DOCK3: variants seen among roughly 807,000 people sequenced by gnomAD.
The protein encoded by DOCK3 is dedicator of cytokinesis protein 3.
DOCK3 carries 60 observed loss-of-function variants against 265.6 expected under a neutral mutation model. The observed-to-expected ratio is 0.23, with a 90% CI of 0.18 to 0.28. DOCK3 has a LOEUF of 0.28. DOCK3 is among the 10% of genes least tolerant of loss of function. The pLI, the probability that DOCK3 is intolerant of heterozygous loss-of-function variation, is 1.00. For missense variants in DOCK3, 1,981 were observed against 2,594.3 expected, an observed-to-expected ratio of 0.76 and a Z score of 5.14; for synonymous variants, 881 against 938.0, an observed-to-expected ratio of 0.94 and a Z score of 1.11.
intron 6 of DOCK3, among the ~76,000 whole-genome samples, chr3:51,066,464 A>C (rs575776670): frequency 6.6e-6 from 1 of 152,202 alleles, no homozygotes; most frequent in Admixed American, 6.5e-5. Flanking sequence ...AAGTGTTATC[A>C]TTAGCACTGG....
chr3:50,838,997 T>C (rs150445713), intron 2 of DOCK3, among the ~76,000 whole-genome samples: 1 of 152,290 alleles, frequency 6.6e-6, no homozygotes, highest in Non-Finnish European at 1.5e-5. Flanking sequence ...GATAATGTGG[T>C]TTTGAAACTA....
In DOCK3 at chr3:51,280,177, C is replaced by T. The variant is rs370731819; in HGVS notation, c.2895C>T (p.Asp965=). 10 of 1,613,728 alleles carry T rather than the reference C, an allele frequency of 6.2e-6. No individual in the cohort carries two copies. The highest frequency in any genetic ancestry group is 8.5e-6 in the Non-Finnish European group (10 of 1,179,840). Residue 965 remains aspartate, a synonymous_variant, in exon 27 of 53, where the codon GAC becomes GAT. Transcript: ENST00000266037. ...MCDTHFQHLL[D]NFQSKDELKE... ...ACACCCATTTCCAGCACCTCCTGGA[C>T]AACTTCCAGAGCAAAGATGAACTCA... is the stretch of plus-strand genomic sequence containing the variant.
At chr3:51,207,304 A>T (rs528256159) in intron 12 of DOCK3, among the ~76,000 whole-genome samples, 4 of 152,340 alleles carry the variant, frequency 2.6e-5, no homozygotes, top group African/African-American at 9.6e-5. Flanking sequence ...ACAAAGCTCC[A>T]GTTCCACCAT....
intron 22 of DOCK3, among the ~76,000 whole-genome samples, chr3:51,257,945 G>A (rs995991517): frequency 6.6e-6 from 1 of 152,204 alleles, no homozygotes. Flanking sequence ...GAGGAATGGG[G>A]AAGAGGGAAG....
intron 13 of DOCK3, among the ~76,000 whole-genome samples, chr3:51,212,883 G>A (rs2089592862): frequency 6.6e-6 from 1 of 151,904 alleles, no homozygotes; most frequent in Admixed American, 6.6e-5. Context: ...AAGTTTCTTG[G>A]AAAGCATGAG....
intron 1 of DOCK3, among the ~76,000 whole-genome samples, chr3:50,732,079 G>C (rs2038251235): frequency 6.6e-6 from 1 of 151,648 alleles, no homozygotes; most frequent in South Asian, 2.1e-4. Context: ...GTCCCTGCTT[G>C]GGTGCTGCAT....
intron 1 of DOCK3, among the ~76,000 whole-genome samples, chr3:50,691,105 A>T (rs1576111020): frequency 6.6e-6 from 1 of 150,990 alleles, no homozygotes; most frequent in East Asian, 2.0e-4. Context: ...ACACGGTGAA[A>T]CCTCGTCTCT....
At chr3:51,223,145 C>T (rs2108326355) in intron 14 of DOCK3, among the ~76,000 whole-genome samples, 1 of 152,274 alleles carries the variant, frequency 6.6e-6, no homozygotes. Context: ...CTATATTGCC[C>T]AGGCTAGTTT....
chr3:50,685,720 A>C (rs750596172), intron 1 of DOCK3: 2 of 227,008 alleles, frequency 8.8e-6, no homozygotes, highest in Non-Finnish European at 2.0e-5. Context: ...TGGTTAGAGC[A>C]TGGAAGTTTT....
intron 5 of DOCK3, among the ~76,000 whole-genome samples, chr3:50,959,234 A>G (rs1458298453): frequency 6.6e-6 from 1 of 152,196 alleles, no homozygotes; most frequent in Admixed American, 6.5e-5. Flanking sequence ...TTTATTGTAT[A>G]TAAAGTGTCC....
At chr3:51,250,093 T>C (rs539837476) in intron 22 of DOCK3, among the ~76,000 whole-genome samples, 345 of 151,778 alleles carry the variant, frequency 2.3e-3, no homozygotes, top group Non-Finnish European at 3.9e-3. Flanking sequence ...TTAAGAGTCA[T>C]CACCACTCCC....
chr3:50,888,638 G>A (rs895125058), intron 3 of DOCK3, among the ~76,000 whole-genome samples: 2 of 152,222 alleles, frequency 1.3e-5, no homozygotes, highest in East Asian at 3.9e-4. Context: ...AACCAAAACA[G>A]CATGGTACTG....
chr3:51,199,576 C>T (rs2088570277), intron 12 of DOCK3, among the ~76,000 whole-genome samples: 1 of 152,362 alleles, frequency 6.6e-6, no homozygotes, highest in East Asian at 1.9e-4. Context: ...TCAAGGAGGC[C>T]TGCCTGCGTC....
At chr3:50,767,929 T>G (rs1412106390) in intron 1 of DOCK3, among the ~76,000 whole-genome samples, 1 of 152,146 alleles carries the variant, frequency 6.6e-6, no homozygotes, top group Non-Finnish European at 1.5e-5. Context: ...CCGTTATTGG[T>G]GTATAGGAAT....
chr3:50,803,583 C>T (rs549548925), intron 2 of DOCK3, among the ~76,000 whole-genome samples: 22 of 150,818 alleles, frequency 1.5e-4, no homozygotes, highest in African/African-American at 5.1e-4. Context: ...CAATGAGCTG[C>T]TGGGTACACC....
At chr3:51,065,972 C>T (rs561483014) in intron 6 of DOCK3, among the ~76,000 whole-genome samples, 292 of 152,208 alleles carry the variant, frequency 1.9e-3, no homozygotes, top group African/African-American at 6.7e-3. Context: ...TAAAACAAAA[C>T]AAAACAAAAA....
chr3:50,793,556 C>T (rs1286210590), intron 2 of DOCK3, among the ~76,000 whole-genome samples: 3 of 151,876 alleles, frequency 2.0e-5, no homozygotes, highest in Admixed American at 6.6e-5. Context: ...CGGGATTTCG[C>T]CTTGTTGGTC....
chr3:51,148,516 T>A (rs904304348), intron 10 of DOCK3, among the ~76,000 whole-genome samples: 2 of 152,224 alleles, frequency 1.3e-5, no homozygotes, highest in African/African-American at 2.4e-5. Context: ...AATTAATTTT[T>A]GTATAAGGTG....
At chr3:50,947,617 A>G (rs995868821) in intron 5 of DOCK3, among the ~76,000 whole-genome samples, 5 of 152,138 alleles carry the variant, frequency 3.3e-5, no homozygotes, top group Admixed American at 3.3e-4. Flanking sequence ...CAAGCAAGAT[A>G]TGCTAATAAA....
Sources: allele counts gnomAD v4.1 joint callset (sites outside exome capture counted in the v4.1 genomes callset), GRCh38; gene constraint gnomAD v4.1.1; transcripts MANE v1.5; gene names NCBI Gene and HGNC (gene_info 2026-07-23, HGNC 2026-07-21).